LSM14A: variants seen among roughly 807,000 people sequenced by gnomAD.
The protein encoded by LSM14A is LSM14A mRNA processing body assembly factor.
Under a neutral mutation model 52.4 loss-of-function variants are expected in LSM14A, and 14 were observed. That is an observed-to-expected ratio of 0.27 (90% CI 0.18 to 0.42). LSM14A has a LOEUF of 0.42. Ranked by LOEUF, LSM14A falls within the 10% of genes least tolerant of loss-of-function variation. The probability of loss-of-function intolerance (pLI) is 1.00; values close to 1 mark genes in which losing one functional copy is unlikely to be tolerated. For missense variants in LSM14A, 417 were observed against 581.8 expected, an observed-to-expected ratio of 0.72 and a Z score of 2.91; for synonymous variants, 185 against 200.3, an observed-to-expected ratio of 0.92 and a Z score of 0.64.
At chr19:34,186,021 A>G (rs928481402) in intron 1 of LSM14A, among the ~76,000 whole-genome samples, 4 of 152,204 alleles carry the variant, frequency 2.6e-5, no homozygotes, top group African/African-American at 7.2e-5. Context: ...GGTATTAAAC[A>G]CTGTTCAGTA....
intron 1 of LSM14A, among the ~76,000 whole-genome samples, chr19:34,181,516 C>T (rs1280302798): frequency 6.6e-6 from 1 of 152,190 alleles, no homozygotes; most frequent in African/African-American, 2.4e-5. Context: ...TCTCATTCTA[C>T]TTCACCAGTC....
chr19:34,229,229 C>G lies in LSM14A; in HGVS notation c.*1841C>G, dbSNP rs2073480707. 1.3e-5 allele frequency: 2 copies of G among 152,310 alleles called. No homozygotes were observed. The highest frequency in any genetic ancestry group is 4.8e-5 in the African/African-American group (2 of 41,556). 9.4% of individuals were successfully genotyped at this position (152,310 alleles called of 1,614,324 possible). On this transcript the variant is annotated 3_prime_UTR_variant, in exon 10 of 10. Transcript: ENST00000544216. The stretch of plus-strand genomic sequence containing the variant: ...GGCAGCATGGCATACCTGCAGTACC[C>G]CTTACAATATTAAAGCAAAGTTTTT...
chr19:34,210,022 CTTATCTA>C (rs2072017619), intron 4 of LSM14A, among the ~76,000 whole-genome samples: 1 of 151,988 alleles, frequency 6.6e-6, no homozygotes, highest in Non-Finnish European at 1.5e-5. Flanking sequence ...TCGGCTTTTC[CTTATCTA>C]TTTTTATGCA....
At chr19:34,184,837 T>A (rs1039322871) in intron 1 of LSM14A, among the ~76,000 whole-genome samples, 8 of 152,198 alleles carry the variant, frequency 5.3e-5, no homozygotes, top group African/African-American at 1.9e-4. Context: ...TTTTTGTTTT[T>A]TGTTTTTGTT....
chr19:34,223,970 C>G (rs368588482), intron 9 of LSM14A, among the ~76,000 whole-genome samples: 2 of 152,302 alleles, frequency 1.3e-5, no homozygotes, highest in East Asian at 1.9e-4. Flanking sequence ...TCTGCAGTAT[C>G]TCTTATAGGG....
chr19:34,219,613 G>T (rs186660789), intron 7 of LSM14A, 40 bp downstream of exon 7: 8 of 1,583,158 alleles, frequency 5.1e-6, no homozygotes, highest in African/African-American at 1.4e-5. Context: ...AATCTTATTT[G>T]ATCTGTGAAT....
intron 1 of LSM14A, among the ~76,000 whole-genome samples, chr19:34,178,820 A>C (rs759221174): frequency 4.8e-4 from 73 of 152,362 alleles, no homozygotes; most frequent in African/African-American, 1.7e-3. Flanking sequence ...GGGATGCAAG[A>C]GGATGAAATC....
intron 3 of LSM14A, among the ~76,000 whole-genome samples, chr19:34,197,869 T>C (rs1301396345): frequency 6.6e-6 from 1 of 152,170 alleles, no homozygotes; most frequent in Non-Finnish European, 1.5e-5. Flanking sequence ...ATAATGAGAA[T>C]GTATAGCAGG....
intron 9 of LSM14A, among the ~76,000 whole-genome samples, chr19:34,225,246 C>T (rs961251455): frequency 7.4e-6 from 1 of 134,766 alleles, no homozygotes; most frequent in Non-Finnish European, 1.7e-5. Context: ...ATGTAGCTAG[C>T]CTTTGATTGT....
intron 4 of LSM14A, among the ~76,000 whole-genome samples, chr19:34,211,465 A>T (rs372621348): frequency 2.6e-5 from 4 of 152,270 alleles, no homozygotes; most frequent in African/African-American, 9.6e-5. Flanking sequence ...ATAATGTAAG[A>T]CAGGGACATA....
intron 4 of LSM14A, 85 bp from the exon 5 acceptor site, chr19:34,215,039 T>C: frequency 1.8e-6 from 2 of 1,119,348 alleles, no homozygotes; most frequent in Non-Finnish European, 1.3e-6. Context: ...TTGATAGAAA[T>C]AAAACTCTGG....
intron 1 of LSM14A, among the ~76,000 whole-genome samples, chr19:34,185,778 GGACAAGAGCT>G (rs1446779859): frequency 1.3e-5 from 2 of 152,118 alleles, no homozygotes; most frequent in Non-Finnish European, 2.9e-5. Flanking sequence ...GGCACCGAAT[GGACAAGAGCT>G]GTACATATAT....
At chr19:34,172,858 C>A in intron 1 of LSM14A, 95 bp downstream of exon 1, 1 of 1,382,630 alleles carries the variant, frequency 7.2e-7, no homozygotes, top group Non-Finnish European at 9.5e-7. Context: ...CCCTCCCCTC[C>A]CTCCGTCGAG....
Position 34,172,588 on chromosome 19 carries a change from C to G in LSM14A, c.-55C>G. On this transcript the variant is annotated 5_prime_UTR_variant, in exon 1 of 10. Transcript: ENST00000544216. Reference sequence around the variant, plus strand: ...GCGAGCGGGCGTGCGGAGCGGGCGACAGTGGCGTGGGATCTGCCTCTCTGC... The same window carrying G: ...GCGAGCGGGCGTGCGGAGCGGGCGAGAGTGGCGTGGGATCTGCCTCTCTGC... 6.7e-7 allele frequency: 1 copy of G among 1,498,230 alleles called. No homozygotes were observed. Among genetic ancestry groups the G allele is most frequent in the Middle Eastern group, 1.7e-4 (1 of 5,756 alleles). 92.8% of individuals were successfully genotyped at this position (1,498,230 alleles called of 1,614,324 possible). A position where few individuals can be genotyped will look rare whatever the true frequency, so the allele number is the denominator to read the frequency against.
chr19:34,173,170 C>G (rs144457951), intron 1 of LSM14A, among the ~76,000 whole-genome samples: 1 of 152,332 alleles, frequency 6.6e-6, no homozygotes, highest in African/African-American at 2.4e-5. Flanking sequence ...CTACACAGCA[C>G]CCATTTTCTC....
At position 34,176,536 on chromosome 19, in the gene LSM14A, C is replaced by T. The variant is rs2069100816; in HGVS notation, c.121+3773C>T. Among the ~76,000 whole-genome samples, 3 of 152,132 alleles carry T rather than the reference C, an allele frequency of 2.0e-5. No homozygotes were observed. The South Asian group carries it at 6.2e-4, about 32-fold the overall frequency. On this transcript the variant is annotated intron_variant, in intron 1 of 9. Coordinates refer to ENST00000544216, the MANE Select transcript of LSM14A (RefSeq NM_015578.4). The stretch of plus-strand genomic sequence containing the variant: ...ATAGTTTTACCATATAAGTTTACAT[C>T]TCTAAATAATAGAGTTTAATTTTGC...
chr19:34,196,308 T>A (rs542815609), intron 2 of LSM14A, among the ~76,000 whole-genome samples: 2 of 152,250 alleles, frequency 1.3e-5, no homozygotes, highest in Admixed American at 1.3e-4. Flanking sequence ...TAAGTGTGAT[T>A]TTTCTCATAT....
At chr19:34,218,856 A>T (rs1255021283) in intron 6 of LSM14A, among the ~76,000 whole-genome samples, 1 of 152,150 alleles carries the variant, frequency 6.6e-6, no homozygotes, top group East Asian at 1.9e-4. Flanking sequence ...GTCAGTAAGG[A>T]TTGGTGCTTG....
chr19:34,228,382 T>G lies in LSM14A; in HGVS notation c.*994T>G, dbSNP rs1446358195. 6.6e-6 allele frequency: 1 copy of G among 152,654 alleles called. No homozygotes were observed. The highest frequency in any genetic ancestry group is 1.5e-5 in the Non-Finnish European group (1 of 68,030). The allele number at this position is 152,654 out of a possible 1,614,324, so 9.5% of individuals were successfully genotyped here. ...AGATGAGAATGTACTTAGCTGTATT[T>G]TCAAATAAGTAATCTTCCCCCCTTT... is the stretch of plus-strand genomic sequence containing the variant. On this transcript the variant is annotated 3_prime_UTR_variant, in exon 10 of 10. Coordinates refer to ENST00000544216, the MANE Select transcript of LSM14A (RefSeq NM_015578.4).
Sources: gnomAD v4.1 joint callset for allele counts (sites outside exome capture counted in the v4.1 genomes callset) on GRCh38, gnomAD v4.1.1 for gene constraint, MANE v1.5 for transcripts, NCBI Gene and HGNC (gene_info 2026-07-23, HGNC 2026-07-21) for gene names.